Variants in PARD3 observed in about 807,000 individuals in gnomAD.
PARD3 encodes the protein partitioning defective 3 homolog.
In PARD3, 75 loss-of-function variants were observed where a neutral mutation model predicts 155.4. That is an observed-to-expected ratio of 0.48 (90% confidence interval 0.40 to 0.58). The LOEUF (loss-of-function observed/expected upper bound fraction) is 0.58, where lower values mean the gene tolerates loss of function less well. Among genes scored for constraint, PARD3 ranks in the 20% least tolerant of loss-of-function variants. The pLI, the probability that PARD3 is intolerant of heterozygous loss-of-function variation, is 0.00. For missense variants in PARD3, 1,642 were observed against 1,721.7 expected (o/e 0.95, Z 0.82); for synonymous variants, 576 against 610.5 (o/e 0.94, Z 0.83).
intron 22 of PARD3, among the ~76,000 whole-genome samples, chr10:34,175,136 C>G (rs1949977575): frequency 6.6e-6 from 1 of 152,070 alleles, no homozygotes; most frequent in Non-Finnish European, 1.5e-5. Context: ...GGAGCATGTA[C>G]CATTATGGGA....
chr10:34,376,578 T>C (rs1329346250), intron 10 of PARD3, among the ~76,000 whole-genome samples: 8 of 152,178 alleles, frequency 5.3e-5, no homozygotes, highest in Admixed American at 5.2e-4. Context: ...CTAACATAAT[T>C]TGTACTCAAA....
chr10:34,814,145 C>T (rs1472888803), intron 1 of PARD3, among the ~76,000 whole-genome samples: 2 of 152,170 alleles, frequency 1.3e-5, no homozygotes, highest in Non-Finnish European at 2.9e-5. Flanking sequence ...CGCGACTCTT[C>T]CAAGGTTGTG....
chr10:34,666,714 C>T (rs1372487303), intron 2 of PARD3, among the ~76,000 whole-genome samples: 3 of 137,528 alleles, frequency 2.2e-5, no homozygotes, highest in Non-Finnish European at 4.6e-5. Context: ...GTTTGGAGGA[C>T]CTAATTTGGA....
chr10:34,569,747 G>A (rs191886418), intron 2 of PARD3, among the ~76,000 whole-genome samples: 5 of 152,026 alleles, frequency 3.3e-5, no homozygotes, highest in Admixed American at 2.0e-4. Context: ...TTAAAAAGTG[G>A]ACATAAGTCA....
chr10:34,396,166 G>A (rs1319728162), intron 7 of PARD3, among the ~76,000 whole-genome samples: 1 of 152,042 alleles, frequency 6.6e-6, no homozygotes, highest in Admixed American at 6.6e-5. Context: ...CCTGGCCAAC[G>A]TGGTGAAACC....
Position 34,275,604 on chromosome 10 carries a change from T to G in PARD3, c.3177-5705A>C, listed in dbSNP as rs146642652. 3.4e-3 allele frequency among the ~76,000 whole-genome samples: 513 copies of G among 152,316 alleles called. 2 individuals carry two copies. Among genetic ancestry groups the G allele is most frequent in the Non-Finnish European group, 4.9e-3 (335 of 68,014 alleles). On this transcript the variant is annotated intron_variant, in intron 21 of 24. Coordinates refer to ENST00000374788, the MANE Select transcript of PARD3 (RefSeq NM_001184785.2). ...AATGTCTTGTTACAAAGTGAGAATA[T>G]GAACTTTCTAACACGACCAAAAGGT...
Position 34,261,749 on chromosome 10 carries a change from G to GAAGA in PARD3, c.3419+7907_3419+7908insTCTT, listed in dbSNP as rs1179710690. ...GAAAGGAAGGAAGAAAGGAAGAAAG[G>GAAGA]AAGGAAGAAAGGAAGGAAGGAAGAA... On this transcript the variant is annotated intron_variant, in intron 22 of 24. Transcript: ENST00000374788. Among the ~76,000 whole-genome samples, 189 of 76,896 alleles carry GAAGA rather than the reference G, an allele frequency of 2.5e-3. 1 individual carries two copies. Among genetic ancestry groups the GAAGA allele is most frequent in the African/African-American group, 8.2e-3 (150 of 18,188 alleles). The allele number at this position is 76,896 out of a possible 152,430, so 50.4% of individuals were successfully genotyped here.
chr10:34,260,948 C>T (rs936810794), intron 22 of PARD3, among the ~76,000 whole-genome samples: 1 of 152,150 alleles, frequency 6.6e-6, no homozygotes, highest in African/African-American at 2.4e-5. Flanking sequence ...AACAAGTTCA[C>T]AAAGGTCTTT....
chr10:34,696,609 T>C (rs1564519594), intron 1 of PARD3, among the ~76,000 whole-genome samples, 190 bp from the exon 2 acceptor site: 2 of 151,496 alleles, frequency 1.3e-5, no homozygotes, highest in Non-Finnish European at 2.9e-5. Context: ...TATGATGGAG[T>C]GACTCATACA....
chr10:34,389,239 T>TAAAAAAAAAAAAAAAAAAAAA (rs57615675), intron 7 of PARD3, among the ~76,000 whole-genome samples: 1 of 65,882 alleles, frequency 1.5e-5, no homozygotes, highest in African/African-American at 7.2e-5. Flanking sequence ...CAATGTTTCT[T>TAAAAAAAAAAAAAAAAAAAAA]AAAAAAAAAA....
Position 34,663,640 on chromosome 10 carries a change from G to A in PARD3, c.222+32678C>T, listed in dbSNP as rs530709826. ...TACTTCCAAGCATCTGATTTTAGAC[G>A]AAGATGGAGCTGACAGGCCCACTGA... On this transcript the variant is annotated intron_variant, in intron 2 of 24. Transcript: ENST00000374788. 1.0e-3 allele frequency among the ~76,000 whole-genome samples: 154 copies of A among 152,112 alleles called. 1 individual carries two copies. Among genetic ancestry groups the A allele is most frequent in the Non-Finnish European group, 1.7e-3 (115 of 68,012 alleles).
At chr10:34,701,159 AG>A (rs1279139307) in intron 1 of PARD3, among the ~76,000 whole-genome samples, 1 of 152,158 alleles carries the variant, frequency 6.6e-6, no homozygotes, top group Admixed American at 6.5e-5. Context: ...ACAGGGCACA[AG>A]AGGAGGACCC....
intron 20 of PARD3, among the ~76,000 whole-genome samples, chr10:34,308,627 G>C (rs372778982): frequency 1.3e-5 from 2 of 152,108 alleles, no homozygotes; most frequent in South Asian, 2.1e-4. Context: ...TGAGTTGGGA[G>C]CGTGTGAAGT....
At chr10:34,612,986 T>C (rs1403610225) in intron 2 of PARD3, among the ~76,000 whole-genome samples, 1 of 152,286 alleles carries the variant, frequency 6.6e-6, no homozygotes, top group East Asian at 1.9e-4. Context: ...TTATCCACAG[T>C]GTACAAAACC....
intron 22 of PARD3, among the ~76,000 whole-genome samples, chr10:34,243,856 T>C (rs1033636521): frequency 6.6e-6 from 1 of 152,196 alleles, no homozygotes; most frequent in African/African-American, 2.4e-5. Flanking sequence ...ACCTGCGCCA[T>C]AATTAAATAT....
intron 1 of PARD3, among the ~76,000 whole-genome samples, chr10:34,711,910 A>G (rs995693994): frequency 1.3e-5 from 2 of 152,150 alleles, no homozygotes; most frequent in Non-Finnish European, 2.9e-5. Flanking sequence ...TTTACATTCC[A>G]GGAAACATTT....
intron 2 of PARD3, among the ~76,000 whole-genome samples, chr10:34,573,723 AC>A (rs1564367528): frequency 6.0e-5 from 7 of 115,724 alleles, no homozygotes; most frequent in South Asian, 2.7e-4. Flanking sequence ...AAACAAACAA[AC>A]AAACAAACAA....
chr10:34,466,993 GTA>G (rs2078046955), intron 4 of PARD3, among the ~76,000 whole-genome samples: 1 of 152,030 alleles, frequency 6.6e-6, no homozygotes, highest in Non-Finnish European at 1.5e-5. Context: ...CTAAAAATAT[GTA>G]TGTAGATCAA....
chr10:34,759,702 G>A (rs1465156018), intron 1 of PARD3, among the ~76,000 whole-genome samples: 2 of 152,216 alleles, frequency 1.3e-5, no homozygotes, highest in South Asian at 2.1e-4. Flanking sequence ...AACATGCTAC[G>A]CACAAGGATT....
Sources: allele counts gnomAD v4.1 joint callset (sites outside exome capture counted in the v4.1 genomes callset), GRCh38; gene constraint gnomAD v4.1.1; transcripts MANE v1.5; gene names NCBI Gene and HGNC (gene_info 2026-07-23, HGNC 2026-07-21).